URGCP: variants seen among roughly 807,000 people sequenced by gnomAD.
The protein encoded by URGCP is up-regulator of cell proliferation.
In URGCP, 13 loss-of-function variants were observed where a neutral mutation model predicts 24.6. The observed-to-expected ratio is 0.53, with a 90% CI of 0.34 to 0.84. The LOEUF is 0.84. Among genes scored for constraint, URGCP ranks in the 40% least tolerant of loss-of-function variants. URGCP has a pLI of 0.01. For missense variants in URGCP, 899 were observed against 1,194.3 expected (o/e 0.75, Z 3.64); for synonymous variants, 444 against 487.2 (o/e 0.91, Z 1.17).
intron 1 of URGCP, among the ~76,000 whole-genome samples, chr7:43,924,449 A>T (rs2095926136): frequency 6.6e-6 from 1 of 152,250 alleles, no homozygotes; most frequent in Non-Finnish European, 1.5e-5. Flanking sequence ...CACCATATAC[A>T]TTATTAGCAC....
chr7:43,924,187 G>C (rs2095925923), intron 1 of URGCP, among the ~76,000 whole-genome samples: 1 of 152,062 alleles, frequency 6.6e-6, no homozygotes, highest in Non-Finnish European at 1.5e-5. Context: ...TATTATTCTT[G>C]CAACATTTCT....
At chr7:43,911,314 T>G (rs55794169), upstream of URGCP, among the ~76,000 whole-genome samples, 1 of 151,814 alleles carries the variant, frequency 6.6e-6, no homozygotes, top group African/African-American at 2.4e-5. Context: ...GGCAGGAGTA[T>G]TGTGTGAACC....
At chr7:43,916,847 G>T (rs1445086363) in intron 1 of URGCP, among the ~76,000 whole-genome samples, 1 of 151,808 alleles carries the variant, frequency 6.6e-6, no homozygotes, top group African/African-American at 2.4e-5. Context: ...ATGTACCTCG[G>T]GTATTTGCTA....
At chr7:43,905,873 C>A (rs1447058128) in intron 1 of URGCP, 1 of 152,072 alleles carries the variant, frequency 6.6e-6, no homozygotes, top group Non-Finnish European at 1.5e-5. Context: ...AATTTTTTCT[C>A]AAAAATTACA....
chr7:43,899,862 T>C (rs2095886497), intron 1 of URGCP, among the ~76,000 whole-genome samples: 1 of 152,178 alleles, frequency 6.6e-6, no homozygotes, highest in South Asian at 2.1e-4. Flanking sequence ...AGGCTAAGTG[T>C]GGTGGCTCAC....
intron 3 of URGCP, among the ~76,000 whole-genome samples, chr7:43,883,360 A>ATTT (rs1379068898): frequency 1.9e-3 from 191 of 98,192 alleles, no homozygotes; most frequent in Non-Finnish European, 2.4e-3. Flanking sequence ...ATATATATAT[A>ATTT]TATTTTTTTT....
intron 1 of URGCP, among the ~76,000 whole-genome samples, chr7:43,917,155 G>A (rs559871551): frequency 6.6e-6 from 1 of 152,262 alleles, no homozygotes; most frequent in East Asian, 1.9e-4. Context: ...AAGGGTAGGA[G>A]TTTTTTTGTT....
intron 1 of URGCP, among the ~76,000 whole-genome samples, chr7:43,897,323 G>A (rs539184483): frequency 1.2e-4 from 18 of 152,246 alleles, no homozygotes; most frequent in Non-Finnish European, 2.6e-4. Context: ...GGTGGGGAGC[G>A]CAGAGCAGGT....
At chr7:43,880,959 C>T (rs1237279334) in intron 5 of URGCP, among the ~76,000 whole-genome samples, 1 of 152,230 alleles carries the variant, frequency 6.6e-6, no homozygotes, top group African/African-American at 2.4e-5. Context: ...GTGCTGGACA[C>T]TCTGCTCAGA....
At chr7:43,917,100 T>C (rs1243475626) in intron 1 of URGCP, among the ~76,000 whole-genome samples, 1 of 152,156 alleles carries the variant, frequency 6.6e-6, no homozygotes, top group Non-Finnish European at 1.5e-5. Flanking sequence ...TGGCTTGGGA[T>C]TGAGCTCAGC....
chr7:43,881,769 G>A, intron 4 of URGCP, 72 bp from the exon 5 acceptor site: 2 of 1,612,286 alleles, frequency 1.2e-6, no homozygotes, highest in South Asian at 2.2e-5. Context: ...ATTAATTGAA[G>A]CTAAACCTAG....
chr7:43,918,023 C>T (rs927247849), intron 1 of URGCP, among the ~76,000 whole-genome samples: 1 of 151,986 alleles, frequency 6.6e-6, no homozygotes, highest in Non-Finnish European at 1.5e-5. Context: ...CCTGTAATCC[C>T]AGCACTTTGG....
intron 1 of URGCP, chr7:43,920,013 T>A: frequency 7.6e-7 from 1 of 1,321,820 alleles, no homozygotes. Context: ...GAGTACCACA[T>A]GGCCACATGG....
chr7:43,924,496 C>G (rs1210413143), intron 1 of URGCP, among the ~76,000 whole-genome samples: 1 of 152,098 alleles, frequency 6.6e-6, no homozygotes, highest in Non-Finnish European at 1.5e-5. Context: ...ACAAATATAT[C>G]AACATTTATA....
chr7:43,921,282 C>T (rs969371271), intron 1 of URGCP, among the ~76,000 whole-genome samples: 29 of 151,222 alleles, frequency 1.9e-4, no homozygotes, highest in Non-Finnish European at 2.5e-4. Context: ...GCTGAGATCA[C>T]GCCACTGCAC....
chr7:43,887,593 C>A (rs2095864040), intron 2 of URGCP, 108 bp from the exon 3 acceptor site: 1 of 1,503,656 alleles, frequency 6.7e-7, no homozygotes, highest in Admixed American at 2.3e-5. Flanking sequence ...AAACTATAAA[C>A]CCTGGGTCAC....
intron 1 of URGCP, among the ~76,000 whole-genome samples, chr7:43,915,021 C>G (rs1324778184): frequency 6.6e-6 from 1 of 152,234 alleles, no homozygotes; most frequent in Admixed American, 6.5e-5. Flanking sequence ...ACCAGGAATT[C>G]ACCCCTTATG....
chr7:43,917,011 T>C (rs1369149929), intron 1 of URGCP, among the ~76,000 whole-genome samples: 1 of 152,164 alleles, frequency 6.6e-6, no homozygotes, highest in Non-Finnish European at 1.5e-5. Context: ...TGGGTGATTG[T>C]GTCCCCATGC....
At chr7:43,925,140 A>G (rs895219166) in intron 1 of URGCP, among the ~76,000 whole-genome samples, 4 of 152,220 alleles carry the variant, frequency 2.6e-5, no homozygotes, top group Admixed American at 2.0e-4. Context: ...AGTTCTGGGT[A>G]AGGATGCAGT....
Sources: allele counts gnomAD v4.1 joint callset (sites outside exome capture counted in the v4.1 genomes callset), GRCh38; gene constraint gnomAD v4.1.1; transcripts MANE v1.5; gene names NCBI Gene and HGNC (gene_info 2026-07-23, HGNC 2026-07-21).